The following BACH2 variants were observed in gnomAD, a reference collection of about 807,000 sequenced individuals.
The protein encoded by BACH2 is transcription regulator protein BACH2.
In BACH2, 5 loss-of-function variants were observed where a neutral mutation model predicts 61.8. That is an observed-to-expected ratio of 0.08 (90% CI 0.04 to 0.17). The LOEUF (loss-of-function observed/expected upper bound fraction) is 0.17, where lower values mean the gene tolerates loss of function less well. Among genes scored for constraint, BACH2 ranks in the 10% least tolerant of loss-of-function variants. BACH2 has a pLI of 1.00. For missense variants in BACH2, 824 were observed against 1,091.1 expected (o/e 0.76, Z 3.45); for synonymous variants, 446 against 440.1 (o/e 1.01, Z -0.17).
intron 5 of BACH2, among the ~76,000 whole-genome samples, chr6:90,044,389 A>G (rs1446407399): frequency 6.6e-6 from 1 of 152,180 alleles, no homozygotes; most frequent in Non-Finnish European, 1.5e-5. Context: ...TGATGACTCA[A>G]AAGGCCAGAG....
intron 3 of BACH2, among the ~76,000 whole-genome samples, chr6:90,228,927 A>G (rs1410654626): frequency 6.6e-6 from 1 of 152,190 alleles, no homozygotes; most frequent in African/African-American, 2.4e-5. Context: ...TACAATTCCA[A>G]GTCAGGTAGT....
intron 5 of BACH2, among the ~76,000 whole-genome samples, chr6:90,024,715 T>C (rs145604558): frequency 4.6e-5 from 7 of 152,158 alleles, no homozygotes; most frequent in East Asian, 1.9e-4. Flanking sequence ...AAGGGAAAAA[T>C]GCCATCACAT....
At chr6:90,042,648 T>C (rs1229489140) in intron 5 of BACH2, among the ~76,000 whole-genome samples, 1 of 152,150 alleles carries the variant, frequency 6.6e-6, no homozygotes, top group African/African-American at 2.4e-5. Flanking sequence ...TACTCACATA[T>C]ACAATATCAC....
At chr6:90,059,864 C>A (rs1392227923) in intron 5 of BACH2, among the ~76,000 whole-genome samples, 1 of 150,642 alleles carries the variant, frequency 6.6e-6, no homozygotes, top group Non-Finnish European at 1.5e-5. Flanking sequence ...TCTCAGCAAA[C>A]TATCACAAGG....
chr6:90,157,011 A>C (rs1785017580), intron 4 of BACH2, among the ~76,000 whole-genome samples: 1 of 152,212 alleles, frequency 6.6e-6, no homozygotes, highest in Non-Finnish European at 1.5e-5. Context: ...GACAACACCT[A>C]CAGATTCTGT....
intron 6 of BACH2, among the ~76,000 whole-genome samples, chr6:89,991,800 C>T (rs1776590445): frequency 6.6e-6 from 1 of 152,046 alleles, no homozygotes; most frequent in Admixed American, 6.5e-5. Context: ...GGCAATCCCC[C>T]CATCATTTTG....
intron 4 of BACH2, among the ~76,000 whole-genome samples, chr6:90,202,050 G>A (rs935112333): frequency 2.0e-5 from 3 of 152,200 alleles, no homozygotes; most frequent in African/African-American, 4.8e-5. Flanking sequence ...ACCAGTGGGC[G>A]TGATGACTCT....
In BACH2 at chr6:90,134,829, G is replaced by A. The variant is rs1403855419; in HGVS notation, c.-161-45720C>T. On this transcript the variant is annotated intron_variant, in intron 4 of 8. Coordinates refer to ENST00000257749, the MANE Select transcript of BACH2 (RefSeq NM_021813.4). Reference sequence around the variant, plus strand: ...GGGCAGGTAGCCTCTGTGGGAGAGGGTCTGACAGGGCTGGGGCAATTCCTT... The same window carrying A: ...GGGCAGGTAGCCTCTGTGGGAGAGGATCTGACAGGGCTGGGGCAATTCCTT... Among the ~76,000 whole-genome samples the A allele has an allele frequency of 3.3e-5, 5 of 152,204 alleles. No homozygotes were observed. In the South Asian group the frequency reaches 6.2e-4, roughly 19 times the overall value.
intron 6 of BACH2, among the ~76,000 whole-genome samples, chr6:90,006,527 G>C (rs1187670799): frequency 1.3e-5 from 2 of 152,214 alleles, no homozygotes; most frequent in African/African-American, 2.4e-5. Flanking sequence ...CTACTTGCTA[G>C]TGGTATGTGG....
intron 5 of BACH2, among the ~76,000 whole-genome samples, chr6:90,059,990 G>C (rs1431137648): frequency 9.3e-6 from 1 of 107,870 alleles, no homozygotes; most frequent in Non-Finnish European, 1.8e-5. Flanking sequence ...TGGGGGGAGG[G>C]GGGAGGGATA....
chr6:90,120,100 G>T (rs207272), intron 4 of BACH2, among the ~76,000 whole-genome samples: 81,099 of 152,052 alleles, frequency 0.53, 22,293 homozygotes, highest in African/African-American at 0.63. Context: ...CCAGCTGCTG[G>T]GGACATCAAT....
intron 4 of BACH2, among the ~76,000 whole-genome samples, chr6:90,192,677 C>T (rs1768616277): frequency 6.6e-6 from 1 of 152,130 alleles, no homozygotes; most frequent in Non-Finnish European, 1.5e-5. Context: ...AAGTTTTTGG[C>T]TAAGAGTTAA....
At chr6:90,168,059 G>A (rs1767689843) in intron 4 of BACH2, among the ~76,000 whole-genome samples, 1 of 152,184 alleles carries the variant, frequency 6.6e-6, no homozygotes, top group Non-Finnish European at 1.5e-5. Flanking sequence ...CCACACCGCT[G>A]ATTATAAAAG....
intron 6 of BACH2, chr6:89,952,196 C>T: frequency 3.3e-6 from 1 of 307,078 alleles, no homozygotes; most frequent in Non-Finnish European, 6.2e-6. Context: ...TATTAATTTC[C>T]CTCCCAATCA....
chr6:90,008,816 G>T lies in BACH2; in HGVS notation c.29C>A (p.Pro10His). Residue 10 changes from proline (P) to histidine (H), a missense_variant, in exon 6 of 9, where the codon CCC becomes CAC. Transcript: ENST00000257749. This position sits in a 1 kb window ranked among gnomAD's most constrained non-coding sequence, Gnocchi z 4.1. Reference protein sequence around the residue: MSVDEKPDSPMYVYESTVHC... With the variant: MSVDEKPDSHMYVYESTVHC... Reference sequence around the variant, plus strand: ...GACTGTGGACTCATACACATACATGGGGGAGTCAGGCTTCTCATCCACAGA... The same window carrying T: ...GACTGTGGACTCATACACATACATGTGGGAGTCAGGCTTCTCATCCACAGA... 6.2e-7 allele frequency: 1 copy of T among 1,614,062 alleles called. No individual in the cohort carries two copies. The highest frequency in any genetic ancestry group is 8.5e-7 in the Non-Finnish European group (1 of 1,180,012).
At chr6:89,962,810 A>G (rs1260835997) in intron 6 of BACH2, among the ~76,000 whole-genome samples, 3 of 152,242 alleles carry the variant, frequency 2.0e-5, no homozygotes, top group African/African-American at 7.2e-5. Context: ...TGGACTTGGT[A>G]ATGAGTTCTT....
chr6:90,021,507 C>T (rs1357431246), intron 5 of BACH2, among the ~76,000 whole-genome samples: 2 of 152,170 alleles, frequency 1.3e-5, no homozygotes, highest in African/African-American at 4.8e-5. Flanking sequence ...CTCCCAGAAA[C>T]AGTGCATTAA....
chr6:90,271,650 A>G (rs1582554389), intron 2 of BACH2, among the ~76,000 whole-genome samples, 199 bp downstream of exon 2: 1 of 152,348 alleles, frequency 6.6e-6, no homozygotes, highest in African/African-American at 2.4e-5. Context: ...AATGCTCAAC[A>G]TCTCTATTAG....
chr6:90,111,702 G>C (rs986686844), intron 4 of BACH2, among the ~76,000 whole-genome samples: 1 of 152,144 alleles, frequency 6.6e-6, no homozygotes, highest in Admixed American at 6.5e-5. Context: ...GGATTACATA[G>C]CTCCATTTAT....
Sources: gnomAD v4.1 joint callset for allele counts (sites outside exome capture counted in the v4.1 genomes callset) on GRCh38, gnomAD v4.1.1 for gene constraint, Gnocchi (gnomAD v3.1) non-coding constraint, MANE v1.5 for transcripts, NCBI Gene and HGNC (gene_info 2026-07-23, HGNC 2026-07-21) for gene names.